Variants in SYN3 observed in about 807,000 individuals in gnomAD.
SYN3 encodes the protein synapsin III, also known as synapsin-3.
In SYN3, 35 loss-of-function variants were observed where a neutral mutation model predicts 65.8. The observed-to-expected ratio is 0.53, with a 90% confidence interval of 0.41 to 0.70. The LOEUF (loss-of-function observed/expected upper bound fraction) is 0.70, where lower values mean the gene tolerates loss of function less well. SYN3 is among the 30% of genes least tolerant of loss of function. The probability of loss-of-function intolerance (pLI) is 0.00; values close to 1 mark genes in which losing one functional copy is unlikely to be tolerated. For synonymous variants in SYN3, 270 were observed against 292.9 expected, an observed-to-expected ratio of 0.92 and a Z score of 0.80; for missense variants, 680 against 749.0, an observed-to-expected ratio of 0.91 and a Z score of 1.08.
chr22:32,954,015 G>A (rs978452504), intron 3 of SYN3, among the ~76,000 whole-genome samples: 14 of 152,074 alleles, frequency 9.2e-5, no homozygotes, highest in Admixed American at 6.6e-4. Context: ...GGTGACTGGA[G>A]GCCAGAGGAC....
At chr22:32,593,822 G>A (rs1402329998) in intron 7 of SYN3, among the ~76,000 whole-genome samples, 2 of 152,136 alleles carry the variant, frequency 1.3e-5, no homozygotes, top group African/African-American at 4.8e-5. Flanking sequence ...GAGCACTCAG[G>A]GATCGTGTGC....
chr22:33,004,040 G>A (rs5994652), intron 2 of SYN3, among the ~76,000 whole-genome samples: 30,474 of 152,244 alleles, frequency 0.2, 3,163 homozygotes, highest in Non-Finnish European at 0.21. Flanking sequence ...CTGGCCCTGC[G>A]GATGCACAGA....
chr22:32,951,238 C>T (rs962079882), intron 3 of SYN3, among the ~76,000 whole-genome samples: 1 of 152,142 alleles, frequency 6.6e-6, no homozygotes, highest in African/African-American at 2.4e-5. Context: ...CTGTCAAACA[C>T]ACCAAGCAAG....
chr22:32,599,758 A>G (rs1309424499), intron 6 of SYN3, among the ~76,000 whole-genome samples: 2 of 152,084 alleles, frequency 1.3e-5, no homozygotes, highest in Non-Finnish European at 2.9e-5. Flanking sequence ...ATATCAAATC[A>G]ATTGCGTGGG....
At chr22:32,990,709 T>C (rs981085653) in intron 2 of SYN3, among the ~76,000 whole-genome samples, 2 of 152,186 alleles carry the variant, frequency 1.3e-5, no homozygotes, top group Admixed American at 6.5e-5. Flanking sequence ...GTAGACCTCA[T>C]AGAATCCACA....
intron 8 of SYN3, among the ~76,000 whole-genome samples, chr22:32,538,382 T>C (rs2058199232): frequency 6.9e-6 from 1 of 145,270 alleles, no homozygotes; most frequent in Non-Finnish European, 1.5e-5. Context: ...CTACATCATC[T>C]GATGAAATCC....
chr22:32,690,820 C>A (rs1262536655), intron 6 of SYN3, among the ~76,000 whole-genome samples: 1 of 152,112 alleles, frequency 6.6e-6, no homozygotes, highest in Non-Finnish European at 1.5e-5. Flanking sequence ...ACAAATTTAC[C>A]TTCATTTCTT....
chr22:32,811,960 T>A (rs2046928029), intron 6 of SYN3, among the ~76,000 whole-genome samples: 1 of 152,094 alleles, frequency 6.6e-6, no homozygotes, highest in Non-Finnish European at 1.5e-5. Context: ...CAGCAACCGC[T>A]CCCCTATCCA....
intron 6 of SYN3, chr22:32,849,634 T>C (rs1012058631): frequency 2.0e-6 from 2 of 1,023,144 alleles, no homozygotes; most frequent in Non-Finnish European, 3.0e-6. Flanking sequence ...GGGGTGTGTG[T>C]CTAAGCACCA....
At chr22:32,877,388 A>T (rs1408057550) in intron 4 of SYN3, among the ~76,000 whole-genome samples, 1 of 152,194 alleles carries the variant, frequency 6.6e-6, no homozygotes, top group African/African-American at 2.4e-5. Flanking sequence ...GCTATTGGTG[A>T]TGGAACCATG....
chr22:32,569,408 T>A (rs1040465924), intron 7 of SYN3, among the ~76,000 whole-genome samples: 39 of 116,674 alleles, frequency 3.3e-4, no homozygotes, highest in African/African-American at 1.6e-3. Context: ...AAAATCTATC[T>A]ATCTATCTAT....
chr22:32,605,373 C>T (rs74872692), intron 6 of SYN3, among the ~76,000 whole-genome samples: 2,050 of 152,138 alleles, frequency 0.013, 32 homozygotes, highest in East Asian at 0.039. Context: ...ACCAGGCAGC[C>T]GTCGAGGGTT....
chr22:32,991,525 A>G (rs965561768), intron 2 of SYN3, among the ~76,000 whole-genome samples: 10 of 152,140 alleles, frequency 6.6e-5, no homozygotes, highest in Non-Finnish European at 1.5e-4. Flanking sequence ...CTCACGCCCA[A>G]CACAGTTCCC....
intron 6 of SYN3, among the ~76,000 whole-genome samples, chr22:32,677,661 CGTG>C (rs2060465563): frequency 6.6e-6 from 1 of 151,938 alleles, no homozygotes; most frequent in South Asian, 2.1e-4. Context: ...ATTAGCCGGT[CGTG>C]GTGGCGGGCG....
chr22:32,626,078 G>A (rs1053153573), intron 6 of SYN3, among the ~76,000 whole-genome samples: 14 of 152,140 alleles, frequency 9.2e-5, no homozygotes, highest in East Asian at 1.9e-4. Context: ...TGAAATGACC[G>A]TGAAAGGAAA....
intron 6 of SYN3, among the ~76,000 whole-genome samples, chr22:32,644,101 A>AAAAAAAAAAAAAAAAAAAAAAAAGAG: frequency 1.4e-5 from 1 of 71,214 alleles, no homozygotes; most frequent in Non-Finnish European, 2.7e-5. Flanking sequence ...AAAAAAAAAA[A>AAAAAAAAAAAAAAAAAAAAAAAAGAG]AGCGACAAGA....
At chr22:32,878,751 G>A (rs1450301318) in intron 4 of SYN3, among the ~76,000 whole-genome samples, 1 of 152,180 alleles carries the variant, frequency 6.6e-6, no homozygotes, top group Non-Finnish European at 1.5e-5. Flanking sequence ...ATAGTATGAA[G>A]TATATTTCAC....
chr22:32,783,923 G>A (rs568629974), intron 6 of SYN3, among the ~76,000 whole-genome samples: 1 of 152,286 alleles, frequency 6.6e-6, no homozygotes, highest in Admixed American at 6.5e-5. Flanking sequence ...TGAACTATCT[G>A]TGCCTCAGTT....
In SYN3 at chr22:32,732,487, T is replaced by C. The variant is rs971663206; in HGVS notation, c.711+132428A>G. ...CCCACACTAACCTAGCTCAGCAAGA[T>C]GGTGCAGGCAGCAGAGTGAAGTGGT... On this transcript the variant is annotated intron_variant, in intron 6 of 13. Transcript: ENST00000358763. Among the ~76,000 whole-genome samples, 4 of 152,186 alleles carry C rather than the reference T, an allele frequency of 2.6e-5. No homozygotes were observed. In the East Asian group the frequency reaches 7.7e-4, roughly 29 times the overall value.
Sources: allele counts gnomAD v4.1 joint callset (sites outside exome capture counted in the v4.1 genomes callset), GRCh38; gene constraint gnomAD v4.1.1; transcripts MANE v1.5; gene names NCBI Gene and HGNC (gene_info 2026-07-23, HGNC 2026-07-21).